ARID1A: variants seen among roughly 807,000 people sequenced by gnomAD.
ARID1A encodes AT-rich interactive domain-containing protein 1A.
Under a neutral mutation model 212.6 loss-of-function variants are expected in ARID1A, and 20 were observed. That is an observed-to-expected ratio of 0.09 (90% CI 0.07 to 0.14). The LOEUF (loss-of-function observed/expected upper bound fraction) is 0.14. ARID1A is among the 10% of genes least tolerant of loss of function. The pLI, the probability that ARID1A is intolerant of heterozygous loss-of-function variation, is 1.00. For synonymous variants in ARID1A, 1,376 were observed against 1,222.1 expected (o/e 1.13, Z -2.63); for missense variants, 2,587 against 3,059.0 (o/e 0.85, Z 3.64).
intron 8 of ARID1A, among the ~76,000 whole-genome samples, chr1:26,763,643 G>T (rs965678673): frequency 6.6e-6 from 1 of 152,182 alleles, no homozygotes; most frequent in African/African-American, 2.4e-5. Flanking sequence ...GGTGGCGCAC[G>T]CCTGTAATCC....
chr1:26,712,525 A>G (rs557012659), intron 1 of ARID1A, among the ~76,000 whole-genome samples: 1 of 151,994 alleles, frequency 6.6e-6, no homozygotes, highest in Non-Finnish European at 1.5e-5. Flanking sequence ...TCTCTCTTAA[A>G]AAAAATTTTT....
intron 11 of ARID1A, 166 bp from the exon 12 acceptor site, chr1:26,770,953 T>A (rs1424871398): frequency 3.2e-6 from 2 of 633,178 alleles, no homozygotes; most frequent in Non-Finnish European, 5.4e-6. Flanking sequence ...AGCTGCAGAT[T>A]TAACACTTCT....
intron 8 of ARID1A, chr1:26,764,232 TG>T (rs1248244881): frequency 1.3e-5 from 2 of 151,582 alleles, no homozygotes; most frequent in Non-Finnish European, 2.9e-5. Flanking sequence ...CTGAAAGTGC[TG>T]GGATTACAGG....
intron 4 of ARID1A, among the ~76,000 whole-genome samples, chr1:26,756,225 A>C (rs911509296): frequency 2.0e-5 from 3 of 152,032 alleles, no homozygotes; most frequent in African/African-American, 4.8e-5. Flanking sequence ...AAGCCTGAGC[A>C]ACATGGCAAG....
Position 26,696,772 on chromosome 1 carries a change from C to T in ARID1A, c.369C>T (p.Gly123=), listed in dbSNP as rs1427968958. Reference sequence around the variant, plus strand: ...ATAACCTCACGGAGCCGCCCGGCGGCGGCGGTGGCGGCAGCAGCGATGGGG... The same window carrying T: ...ATAACCTCACGGAGCCGCCCGGCGGTGGCGGTGGCGGCAGCAGCGATGGGG... The part of the protein sequence containing the change: ...LNNNLTEPPG[G]GGGGSSDGVG... The change falls in exon 1 of 20, where the codon GGC becomes GGT. Residue 123 remains glycine, a synonymous_variant. Coordinates refer to ENST00000324856, the MANE Select transcript of ARID1A (RefSeq NM_006015.6). 2 of 1,342,572 alleles carry T rather than the reference C, an allele frequency of 1.5e-6. No individual in the cohort carries two copies. Among genetic ancestry groups the T allele is most frequent in the Non-Finnish European group, 1.9e-6 (2 of 1,051,870 alleles). 83.2% of individuals were successfully genotyped at this position (1,342,572 alleles called of 1,614,324 possible).
At chr1:26,773,016 G>A (rs2124108522) in intron 14 of ARID1A, 29 bp downstream of exon 14, 7 of 1,591,374 alleles carry the variant, frequency 4.4e-6, no homozygotes, top group Non-Finnish European at 6.0e-6. Context: ...ATTTGAACTT[G>A]TGCTCGTAAA....
intron 1 of ARID1A, among the ~76,000 whole-genome samples, chr1:26,724,704 T>C (rs901817680): frequency 2.6e-5 from 4 of 152,208 alleles, no homozygotes; most frequent in African/African-American, 9.7e-5. Flanking sequence ...CTTGATGCAA[T>C]AAGAAGTTGT....
At chr1:26,758,619 CAAAA>C (rs113900947) in intron 4 of ARID1A, among the ~76,000 whole-genome samples, 7 of 93,618 alleles carry the variant, frequency 7.5e-5, no homozygotes, top group Admixed American at 1.1e-4. Context: ...GACCCTGTCT[CAAAA>C]AAAAAAAAAA....
At chr1:26,760,831 C>T (rs2124053429) in intron 4 of ARID1A, 25 bp from the exon 5 acceptor site, 2 of 1,592,238 alleles carry the variant, frequency 1.3e-6, no homozygotes, top group Non-Finnish European at 1.7e-6. Flanking sequence ...TATTACTAAT[C>T]CATGTTCTTA....
chr1:26,707,677 T>C (rs2080406512), intron 1 of ARID1A, among the ~76,000 whole-genome samples: 1 of 152,184 alleles, frequency 6.6e-6, no homozygotes, highest in Admixed American at 6.5e-5. Context: ...CCACCATGCA[T>C]TTGAGTACTT....
intron 1 of ARID1A, among the ~76,000 whole-genome samples, chr1:26,703,011 G>C (rs1302758672): frequency 1.3e-5 from 2 of 152,200 alleles, no homozygotes; most frequent in African/African-American, 4.8e-5. Context: ...GGAGAAAAAA[G>C]ATACTGCAAC....
At chr1:26,762,064 G>A in intron 6 of ARID1A, 88 bp from the exon 7 acceptor site, 1 of 1,400,706 alleles carries the variant, frequency 7.1e-7, no homozygotes, top group Non-Finnish European at 9.6e-7. Flanking sequence ...TAAAGAAAAT[G>A]TAGATGGTAA....
chr1:26,712,296 C>T (rs891550682), intron 1 of ARID1A, among the ~76,000 whole-genome samples: 3 of 152,258 alleles, frequency 2.0e-5, no homozygotes, highest in Middle Eastern at 3.4e-3. Context: ...CCTTTATTGA[C>T]CTCTCTCCCT....
chr1:26,739,517 T>G (rs1004001537), intron 4 of ARID1A, among the ~76,000 whole-genome samples: 3 of 152,094 alleles, frequency 2.0e-5, no homozygotes, highest in Non-Finnish European at 4.4e-5. Context: ...GGAAAAAAAA[T>G]TACTAGACTA....
rs750462088 is a variant in ARID1A at position 26,720,476 on chromosome 1, C to CA, written c.1138-9161dup. Among the ~76,000 whole-genome samples the CA allele has an allele frequency of 4.7e-3, 461 of 97,730 alleles. 4 individuals are homozygous for CA. Among genetic ancestry groups the CA allele is most frequent in the Admixed American group, 8.7e-3 (81 of 9,336 alleles). 64.1% of individuals were successfully genotyped at this position (97,730 alleles called of 152,430 possible). A position where few individuals can be genotyped will look rare whatever the true frequency, so the allele number is the denominator to read the frequency against. On this transcript the variant is annotated intron_variant, in intron 1 of 19. Transcript: ENST00000324856. The stretch of plus-strand genomic sequence containing the variant: ...CGACAGAGCAAACAAGACTCCATCT[C>CA]AAAAAAAAAAAAAAGGTACAACCTT...
At position 26,731,324 on chromosome 1, in the gene ARID1A, C is replaced by A. The variant is rs774757600; in HGVS notation, c.1523C>A (p.Pro508Gln). ...TATCAGCAGCAGCCACAGTCTCAAC[C>A]ACCACAGCTCCAGTCCTCTCAGCCT... Reference protein sequence around the residue: ...PSYQQQPQSQPPQLQSSQPPY... With the variant: ...PSYQQQPQSQQPQLQSSQPPY... The change falls in exon 3 of 20, where the codon CCA (proline) becomes CAA (glutamine). Residue 508 changes from proline (P) to glutamine (Q), a missense_variant. Pro to Gln is a moderately conservative substitution (Grantham distance 76). Coordinates refer to ENST00000324856, the MANE Select transcript of ARID1A (RefSeq NM_006015.6). 1 of 1,613,870 alleles carries A rather than the reference C, an allele frequency of 6.2e-7. No individual in the cohort carries two copies. Among genetic ancestry groups the A allele is most frequent in the Admixed American group, 1.7e-5 (1 of 59,980 alleles).
intron 2 of ARID1A, 99 bp downstream of exon 2, chr1:26,729,962 A>G: frequency 1.4e-6 from 2 of 1,401,944 alleles, no homozygotes; most frequent in African/African-American, 1.4e-5. Context: ...AAGCCTCTTG[A>G]CAGGAATGTA....
Position 26,781,103 on chromosome 1 carries a change from G to T in ARID1A, c.*347G>T. The T allele has an allele frequency of 3.7e-6, 1 of 271,390 alleles. No homozygotes were observed. The highest frequency in any genetic ancestry group is 6.9e-6 in the Non-Finnish European group (1 of 144,582). The allele number at this position is 271,390 out of a possible 1,614,324, so 16.8% of individuals were successfully genotyped here. A position where few individuals can be genotyped will look rare whatever the true frequency, so the allele number is the denominator to read the frequency against. ...TGGGGAAAAAAAATAAAATAAAAAT[G>T]GCTTTCCCAGTCCTTGCATCAACGG... On this transcript the variant is annotated 3_prime_UTR_variant, in exon 20 of 20. Coordinates refer to ENST00000324856, the MANE Select transcript of ARID1A (RefSeq NM_006015.6).
chr1:26,702,252 T>C (rs887392812), intron 1 of ARID1A, among the ~76,000 whole-genome samples: 1 of 152,226 alleles, frequency 6.6e-6, no homozygotes, highest in African/African-American at 2.4e-5. Context: ...ATTTGTTGTT[T>C]CTCATCGCTA....
Sources: gnomAD v4.1 joint callset for allele counts (sites outside exome capture counted in the v4.1 genomes callset) on GRCh38, gnomAD v4.1.1 for gene constraint, MANE v1.5 for transcripts, NCBI Gene and HGNC (gene_info 2026-07-23, HGNC 2026-07-21) for gene names.